Variants in SLC24A3 observed in about 807,000 individuals in gnomAD.
SLC24A3 encodes sodium/potassium/calcium exchanger 3.
A neutral mutation model predicts 75.8 loss-of-function variants in SLC24A3; 28 were observed. The ratio of observed to expected loss-of-function variants is 0.37; its 90% CI spans 0.27 to 0.51. The LOEUF (loss-of-function observed/expected upper bound fraction) is 0.51. SLC24A3 is among the 20% of genes least tolerant of loss of function. The pLI is 0.94. For synonymous variants in SLC24A3, 372 were observed against 334.1 expected (o/e 1.11, Z -1.24); for missense variants, 663 against 847.8 (o/e 0.78, Z 2.71).
chr20:19,636,960 T>A (rs1260444595), intron 6 of SLC24A3, among the ~76,000 whole-genome samples: 1 of 151,962 alleles, frequency 6.6e-6, no homozygotes, highest in African/African-American at 2.4e-5. Context: ...AGCCGCTATT[T>A]AAAAAAGAAG....
At chr20:19,456,333 A>C (rs1987577122) in intron 2 of SLC24A3, among the ~76,000 whole-genome samples, 1 of 152,122 alleles carries the variant, frequency 6.6e-6, no homozygotes, top group African/African-American at 2.4e-5. Context: ...GGGGAGAGAT[A>C]ATTGAATCGT....
At chr20:19,302,647 A>T (rs1263731009) in intron 2 of SLC24A3, among the ~76,000 whole-genome samples, 1 of 152,202 alleles carries the variant, frequency 6.6e-6, no homozygotes, top group Non-Finnish European at 1.5e-5. Context: ...TTTGCCTCAT[A>T]TATAAGTATG....
chr20:19,641,470 G>A lies in SLC24A3; in HGVS notation c.613-12592G>A, dbSNP rs2032074510. On this transcript the variant is annotated intron_variant, in intron 6 of 16. Transcript: ENST00000328041. ...TGTATAAGCAGAGATGGATAGCAGC[G>A]CTGCTGGTGTGTGGACTCTGAGATA... Among the ~76,000 whole-genome samples, 4 of 152,180 alleles carry A rather than the reference G, an allele frequency of 2.6e-5. No individual in the cohort carries two copies. The South Asian group carries it at 6.2e-4, about 24-fold the overall frequency.
chr20:19,318,760 G>A (rs1984640183), intron 2 of SLC24A3, among the ~76,000 whole-genome samples: 1 of 152,056 alleles, frequency 6.6e-6, no homozygotes, highest in East Asian at 1.9e-4. Flanking sequence ...TGCTCTTCAG[G>A]GCTGGAAGAG....
At chr20:19,432,956 G>A (rs549211654) in intron 2 of SLC24A3, among the ~76,000 whole-genome samples, 39 of 152,236 alleles carry the variant, frequency 2.6e-4, no homozygotes, top group African/African-American at 8.4e-4. Context: ...CAAGGTCATC[G>A]CCAAGGTCTG....
rs1485821981 is a variant in SLC24A3, at chr20:19,352,220, C to T, written c.271+71133C>T. Among the ~76,000 whole-genome samples, 4 of 152,102 alleles carry T rather than the reference C, an allele frequency of 2.6e-5. No individual in the cohort carries two copies. The East Asian group carries it at 5.8e-4, about 22-fold the overall frequency. On this transcript the variant is annotated intron_variant, in intron 2 of 16. Transcript: ENST00000328041. ...CCTTAGCATTTGTACTTAAAGTGGT[C>T]GGTCATTGAAAGCCCCCAGGGCAGA...
At chr20:19,699,969 A>G (rs1333828807) in intron 15 of SLC24A3, among the ~76,000 whole-genome samples, 6 of 152,160 alleles carry the variant, frequency 3.9e-5, no homozygotes, top group East Asian at 1.9e-4. Flanking sequence ...AGCATGGCCT[A>G]TCGCTTCTGG....
chr20:19,653,649 G>A (rs1472005595), intron 6 of SLC24A3, among the ~76,000 whole-genome samples: 1 of 152,120 alleles, frequency 6.6e-6, no homozygotes, highest in Non-Finnish European at 1.5e-5. Context: ...CGTTCCTGGG[G>A]GGATGTGAGA....
intron 2 of SLC24A3, among the ~76,000 whole-genome samples, chr20:19,351,655 G>A (rs569215639): frequency 6.6e-6 from 1 of 152,098 alleles, no homozygotes. Flanking sequence ...ATCTTTTATC[G>A]ATAGTTGGAC....
chr20:19,562,241 TC>T (rs1666399914), intron 3 of SLC24A3, among the ~76,000 whole-genome samples: 1 of 152,154 alleles, frequency 6.6e-6, no homozygotes, highest in African/African-American at 2.4e-5. Context: ...CAAGTGTAGG[TC>T]CTTCTCATTA....
intron 2 of SLC24A3, among the ~76,000 whole-genome samples, chr20:19,384,213 A>C (rs1222899218): frequency 1.3e-5 from 2 of 152,204 alleles, no homozygotes; most frequent in East Asian, 3.8e-4. Flanking sequence ...CTCTCTTATC[A>C]AATTTCAATT....
In SLC24A3 at chr20:19,517,867, C is replaced by T. The variant is rs1468489480; in HGVS notation, c.348+2303C>T. ...CCAACGTGAGGCCAGGTGGGCAGAG[C>T]AGCAGGGCAGAGACAAATGTTCGGG... On this transcript the variant is annotated intron_variant, in intron 3 of 16. Transcript: ENST00000328041. Among the ~76,000 whole-genome samples, 4 of 152,280 alleles carry T rather than the reference C, an allele frequency of 2.6e-5. No homozygotes were observed. In the East Asian group the frequency reaches 7.8e-4, roughly 30 times the overall value.
chr20:19,718,582 C>A (rs2033066284), intron 16 of SLC24A3, among the ~76,000 whole-genome samples: 2 of 152,196 alleles, frequency 1.3e-5, no homozygotes, highest in South Asian at 4.1e-4. Flanking sequence ...AATGGAGGAA[C>A]AAGCATCTGA....
intron 2 of SLC24A3, among the ~76,000 whole-genome samples, chr20:19,437,398 C>A (rs1987223253): frequency 6.6e-6 from 1 of 152,188 alleles, no homozygotes; most frequent in Non-Finnish European, 1.5e-5. Context: ...GTGGTGTCTT[C>A]CACCATGATT....
intron 2 of SLC24A3, among the ~76,000 whole-genome samples, chr20:19,363,360 G>C (rs542540820): frequency 6.6e-6 from 1 of 152,350 alleles, no homozygotes; most frequent in Non-Finnish European, 1.5e-5. Flanking sequence ...ATCTGCCTCA[G>C]ACCTGGTCAT....
chr20:19,678,315 G>A (rs1175068323), intron 9 of SLC24A3, among the ~76,000 whole-genome samples: 1 of 134,718 alleles, frequency 7.4e-6, no homozygotes, highest in African/African-American at 2.8e-5. Context: ...CTCCCAGACG[G>A]GGCGGCTGGC....
At chr20:19,216,740 A>G (rs897420781) in intron 1 of SLC24A3, among the ~76,000 whole-genome samples, 2 of 152,238 alleles carry the variant, frequency 1.3e-5, no homozygotes, top group African/African-American at 2.4e-5. Context: ...GCTACTTTCT[A>G]TACTAGTTGC....
At chr20:19,311,333 G>A (rs1984452821) in intron 2 of SLC24A3, among the ~76,000 whole-genome samples, 1 of 151,974 alleles carries the variant, frequency 6.6e-6, no homozygotes, top group African/African-American at 2.4e-5. Context: ...ATCATTCCAG[G>A]GCCCCACACA....
intron 4 of SLC24A3, among the ~76,000 whole-genome samples, chr20:19,581,373 A>C (rs1568662518): frequency 6.6e-6 from 1 of 152,180 alleles, no homozygotes; most frequent in African/African-American, 2.4e-5. Flanking sequence ...TTTGGTGTGA[A>C]TATCAAAATT....
Sources: gnomAD v4.1 joint callset for allele counts (sites outside exome capture counted in the v4.1 genomes callset) on GRCh38, gnomAD v4.1.1 for gene constraint, MANE v1.5 for transcripts, NCBI Gene and HGNC (gene_info 2026-07-23, HGNC 2026-07-21) for gene names.